RP2: variants seen among roughly 807,000 people sequenced by gnomAD.
RP2 encodes RP2 activator of ARL3 GTPase, also known as protein XRP2.
A neutral mutation model predicts 20.3 loss-of-function variants in RP2; 3 were observed. That is an observed-to-expected ratio of 0.15 (90% CI 0.07 to 0.38). The LOEUF is 0.38. Among genes scored for constraint, RP2 ranks in the 10% least tolerant of loss-of-function variants. RP2 has a pLI of 1.00. For missense variants in RP2, 233 were observed against 268.5 expected (o/e 0.87, Z 0.92); for synonymous variants, 75 against 94.8 (o/e 0.79, Z 1.22).
At chrX:46,860,975 A>G (rs1281489844) in intron 3 of RP2, among the ~76,000 whole-genome samples, 1 of 112,140 alleles carries the variant, frequency 8.9e-6, no homozygotes, top group Admixed American at 9.6e-5. Flanking sequence ...TTAATGCAGT[A>G]TTTGATAATA....
intron 3 of RP2, among the ~76,000 whole-genome samples, chrX:46,864,570 C>T (rs1556321723): frequency 9.1e-6 from 1 of 109,885 alleles, no homozygotes; most frequent in African/African-American, 3.3e-5. Context: ...ACCACCATAC[C>T]CAGCTAATTT....
chrX:46,869,745 G>A (rs894144942), intron 3 of RP2, among the ~76,000 whole-genome samples: 29 of 106,326 alleles, frequency 2.7e-4, no homozygotes, highest in African/African-American at 9.7e-4. Flanking sequence ...GAGTAGCTGA[G>A]ATTACAGGCA....
intron 3 of RP2, among the ~76,000 whole-genome samples, chrX:46,868,821 C>T (rs1025231233): frequency 1.4e-4 from 15 of 107,768 alleles, no homozygotes; most frequent in Non-Finnish European, 9.6e-5. Flanking sequence ...AGTGGCCAGG[C>T]GCAGTGGCTC....
chrX:46,847,815 T>C (rs936890301), intron 1 of RP2, among the ~76,000 whole-genome samples: 2 of 97,897 alleles, frequency 2.0e-5, no homozygotes, highest in African/African-American at 3.7e-5. Context: ...TATACACACA[T>C]ATATGTGTAT....
At chrX:46,860,607 A>G (rs1925045434) in intron 3 of RP2, among the ~76,000 whole-genome samples, 1 of 112,299 alleles carries the variant, frequency 8.9e-6, no homozygotes, top group Non-Finnish European at 1.9e-5. Context: ...AATAAATTTC[A>G]GATACTGGAT....
At chrX:46,839,956 G>T (rs782433349) in intron 1 of RP2, among the ~76,000 whole-genome samples, 189 of 111,993 alleles carry the variant, frequency 1.7e-3, no homozygotes, top group Middle Eastern at 9.2e-3. Context: ...TCCTTAGGTT[G>T]TGTAATCAGA....
chrX:46,847,732 A>G (rs782589730), intron 1 of RP2, among the ~76,000 whole-genome samples: 30 of 95,392 alleles, frequency 3.1e-4, no homozygotes, highest in South Asian at 9.7e-4. Context: ...GTGTGTGTGT[A>G]TATACACACA....
In RP2 at chrX:46,879,853, C is replaced by T; in HGVS notation, c.*84C>T. The T allele has an allele frequency of 1.8e-6, 1 of 562,068 alleles. No homozygotes were observed. The highest frequency in any genetic ancestry group is 2.9e-6 in the Non-Finnish European group (1 of 347,000). The allele number at this position is 562,068 out of a possible 1,213,427, so 46.3% of individuals were successfully genotyped here. A position where few individuals can be genotyped will look rare whatever the true frequency, so the allele number is the denominator to read the frequency against. On this transcript the variant is annotated 3_prime_UTR_variant, in exon 5 of 5. Coordinates refer to ENST00000218340, the MANE Select transcript of RP2 (RefSeq NM_006915.3). ...TTGATAATACACTTTTGTGTATTAG[C>T]AATGGTTTTTACTAATGCTAAAACT...
intron 3 of RP2, among the ~76,000 whole-genome samples, chrX:46,868,185 T>A (rs1480838396): frequency 8.9e-6 from 1 of 112,224 alleles, no homozygotes; most frequent in East Asian, 2.8e-4. Flanking sequence ...CATTGTGTTT[T>A]TTAAATCAAC....
chrX:46,856,797 T>C (rs1924967987), intron 2 of RP2, among the ~76,000 whole-genome samples: 1 of 111,857 alleles, frequency 8.9e-6, no homozygotes, highest in African/African-American at 3.3e-5. Context: ...CCTATCTTAT[T>C]CTGAAAGTAC....
intron 3 of RP2, among the ~76,000 whole-genome samples, chrX:46,864,430 C>T (rs2147084805): frequency 9.4e-6 from 1 of 106,358 alleles, no homozygotes; most frequent in African/African-American, 3.5e-5. Flanking sequence ...CACTGCAAAC[C>T]CTGTCTTCGG....
At chrX:46,840,554 A>G (rs1187969558) in intron 1 of RP2, among the ~76,000 whole-genome samples, 1 of 112,808 alleles carries the variant, frequency 8.9e-6, no homozygotes, top group Non-Finnish European at 1.9e-5. Context: ...AAATTATTTC[A>G]AAAGAAATGT....
chrX:46,851,938 G>A (rs1924868438), intron 1 of RP2, among the ~76,000 whole-genome samples: 1 of 111,308 alleles, frequency 9.0e-6, no homozygotes, highest in South Asian at 3.7e-4. Context: ...ATGGTGGCGG[G>A]TGCCTGTAGT....
intron 2 of RP2, among the ~76,000 whole-genome samples, chrX:46,858,575 A>G (rs1332812769): frequency 9.1e-6 from 1 of 109,464 alleles, no homozygotes; most frequent in Non-Finnish European, 1.9e-5. Context: ...GGCTTAAGGG[A>G]TCCTCCCACC....
Position 46,882,133 on chromosome X carries a change from ACATTT to A in RP2, c.*2371_*2375del. The A allele has an allele frequency of 8.9e-6, 1 of 112,550 alleles. No homozygotes were observed. The highest frequency in any genetic ancestry group is 3.2e-5 in the African/African-American group (1 of 31,069). The allele number at this position is 112,550 out of a possible 1,213,427, so 9.3% of individuals were successfully genotyped here. On this transcript the variant is annotated 3_prime_UTR_variant, in exon 5 of 5. Coordinates refer to ENST00000218340, the MANE Select transcript of RP2 (RefSeq NM_006915.3). ...CCTTTGATAGTAATCAGAATGTATT[ACATTT>A]CATTTCTGAATAGCTTTTGAATTTA...
chrX:46,871,314 AC>A (rs1556326376), intron 3 of RP2, among the ~76,000 whole-genome samples: 2 of 110,484 alleles, frequency 1.8e-5, no homozygotes, highest in Non-Finnish European at 3.8e-5. Flanking sequence ...GAGCCACCAC[AC>A]CCGGCCACTC....
chrX:46,838,638 G>A (rs1402123730), intron 1 of RP2, among the ~76,000 whole-genome samples: 8 of 111,856 alleles, frequency 7.2e-5, no homozygotes. Flanking sequence ...TAGTAGTCTT[G>A]GCTGCCTATG....
At chrX:46,863,282 AC>A (rs1556320970) in intron 3 of RP2, among the ~76,000 whole-genome samples, 1 of 112,404 alleles carries the variant, frequency 8.9e-6, no homozygotes, top group African/African-American at 3.2e-5. Flanking sequence ...ACTCAGCAAA[AC>A]AAAGCATATA....
chrX:46,858,896 T>C (rs191055925), intron 2 of RP2, among the ~76,000 whole-genome samples: 113 of 112,122 alleles, frequency 1.0e-3, no homozygotes, highest in Non-Finnish European at 1.7e-3. Flanking sequence ...GTACCATACC[T>C]TGAATAATCT....
Sources: allele counts gnomAD v4.1 joint callset (sites outside exome capture counted in the v4.1 genomes callset), GRCh38; gene constraint gnomAD v4.1.1; transcripts MANE v1.5; gene names NCBI Gene and HGNC (gene_info 2026-07-23, HGNC 2026-07-21).